ALOXE3: variants seen among roughly 807,000 people sequenced by gnomAD.
ALOXE3 encodes hydroperoxide isomerase ALOXE3.
Under a neutral mutation model 87.5 loss-of-function variants are expected in ALOXE3, and 78 were observed. The observed-to-expected ratio is 0.89, with a 90% CI of 0.74 to 1.08. The LOEUF (loss-of-function observed/expected upper bound fraction) is 1.08, where lower values mean the gene tolerates loss of function less well. Ranked by LOEUF, ALOXE3 falls within the 50% of genes least tolerant of loss-of-function variation. The pLI, the probability that ALOXE3 is intolerant of heterozygous loss-of-function variation, is 0.00. For synonymous variants in ALOXE3, 363 were observed against 370.8 expected, an observed-to-expected ratio of 0.98 and a Z score of 0.24; for missense variants, 946 against 912.4, an observed-to-expected ratio of 1.04 and a Z score of -0.47.
chr17:8,107,277 G>A (rs1318153727), intron 13 of ALOXE3, among the ~76,000 whole-genome samples: 3 of 152,218 alleles, frequency 2.0e-5, no homozygotes, highest in African/African-American at 7.2e-5. Context: ...AGTACTTCGG[G>A]AGGCCGAGGT....
chr17:8,108,683 C>T, intron 12 of ALOXE3, 94 bp from the exon 13 acceptor site: 2 of 1,559,794 alleles, frequency 1.3e-6, no homozygotes, highest in South Asian at 1.1e-5. Flanking sequence ...GGCAGAGAGA[C>T]AGATAGCCAT....
chr17:8,109,765 G>T, intron 11 of ALOXE3, 151 bp downstream of exon 11: 1 of 803,636 alleles, frequency 1.2e-6, no homozygotes, highest in South Asian at 1.7e-5. Context: ...CGGAGTGGGC[G>T]GGGCTGGTGG....
chr17:8,113,384 G>A (rs145352280), intron 6 of ALOXE3, among the ~76,000 whole-genome samples: 4 of 152,352 alleles, frequency 2.6e-5, no homozygotes, highest in African/African-American at 7.2e-5. Context: ...CAGATGCGGT[G>A]GCTCACGCCT....
chr17:8,114,197 G>A (rs1288181607), intron 6 of ALOXE3, among the ~76,000 whole-genome samples: 1 of 151,752 alleles, frequency 6.6e-6, no homozygotes, highest in Admixed American at 6.6e-5. Context: ...AACACCCAGT[G>A]GGTGGGAAAA....
chr17:8,109,178 C>A lies in ALOXE3; in HGVS notation c.1558G>T (p.Glu520Ter). 1 of 1,613,420 alleles carries A rather than the reference C, an allele frequency of 6.2e-7. No individual in the cohort carries two copies. Among genetic ancestry groups the A allele is most frequent in the South Asian group, 1.1e-5 (1 of 91,074 alleles). Residue 520 changes from glutamate to a stop codon, truncating the protein, a stop_gained, in exon 12 of 16, where the codon GAG becomes TAG. Transcript: ENST00000448843. LOFTEE classifies it high-confidence loss of function. Reference sequence around the variant, plus strand: ...GTCCCGCCCCGCACCTCGCACCTCTCAATGGCCGCCCAGATCTTCAGGCCG... The same window carrying A: ...GTCCCGCCCCGCACCTCGCACCTCTAAATGGCCGCCCAGATCTTCAGGCCG... ...DDGLKIWAAIESFVSEIVGYY... is the reference protein window; with the variant it reads ...DDGLKIWAAI
chr17:8,114,804 T>A, intron 5 of ALOXE3, 134 bp downstream of exon 5: 1 of 1,487,094 alleles, frequency 6.7e-7, no homozygotes, highest in Non-Finnish European at 9.3e-7. Flanking sequence ...TGGGGCCATC[T>A]CCCATCCTGA....
intron 15 of ALOXE3, among the ~76,000 whole-genome samples, chr17:8,098,234 G>GGTT (rs1978681848): frequency 1.1e-5 from 1 of 87,484 alleles, no homozygotes; most frequent in Non-Finnish European, 2.2e-5. Flanking sequence ...TTTGGTTTTT[G>GGTT]TTTTTTTTTT....
rs1023987412 is a variant in ALOXE3, at chr17:8,107,493, G to T, written c.1684+975C>A. ...GATTGTGCCTCCACACTCCAGCCTG[G>T]GCAACAAAGTAAGACTCTGTCTCGC... is the stretch of plus-strand genomic sequence containing the variant. On this transcript the variant is annotated intron_variant, in intron 13 of 15. Transcript: ENST00000448843. Among the ~76,000 whole-genome samples, 4 of 152,052 alleles carry T rather than the reference G, an allele frequency of 2.6e-5. No homozygotes were observed. The East Asian group carries it at 5.8e-4, about 22-fold the overall frequency.
At chr17:8,118,889 C>G (rs1980851893), upstream of ALOXE3, 3 of 1,484,978 alleles carry the variant, frequency 2.0e-6, no homozygotes, top group East Asian at 2.5e-5. Flanking sequence ...AAGCCCATAG[C>G]CCGCAGCGGC....
intron 15 of ALOXE3, among the ~76,000 whole-genome samples, chr17:8,101,409 C>A (rs1182212490): frequency 6.6e-6 from 1 of 152,170 alleles, no homozygotes; most frequent in East Asian, 1.9e-4. Context: ...ATAACTGAGA[C>A]ATGATGGCTC....
chr17:8,103,227 C>G (rs1328190205), intron 15 of ALOXE3, 96 bp downstream of exon 15: 2 of 1,421,824 alleles, frequency 1.4e-6, no homozygotes, highest in African/African-American at 1.4e-5. Context: ...GAACATAAAT[C>G]CCGTCGATCA....
In ALOXE3 at chr17:8,108,599, A is replaced by G; in HGVS notation, c.1563-10T>C. The G allele has an allele frequency of 6.2e-7, 1 of 1,609,216 alleles. No homozygotes were observed. Among genetic ancestry groups the G allele is most frequent in the South Asian group, 1.1e-5 (1 of 90,870 alleles). On this transcript the variant is annotated splice_polypyrimidine_tract_variant and intron_variant, in intron 12 of 15. Coordinates refer to ENST00000448843, the MANE Select transcript of ALOXE3 (RefSeq NM_021628.3). ...GATTTCTGAGACAAAGCTGCAGGAA[A>G]GAGATGCTGGTACCACTGGAGTAAC...
chr17:8,103,320 C>T lies in ALOXE3; in HGVS notation c.1956+3G>A. On this transcript the variant is annotated splice_donor_region_variant and intron_variant, in intron 15 of 15. Transcript: ENST00000448843. ...TACTCCCCTCAACATCCCGTATACA[C>T]ACCTGGTCCTTGGGTTCTTGGCTAA... The T allele has an allele frequency of 1.2e-6, 2 of 1,613,786 alleles. No homozygotes were observed. The highest frequency in any genetic ancestry group is 8.5e-7 in the Non-Finnish European group (1 of 1,179,820).
chr17:8,097,143 T>A (rs796103481), intron 15 of ALOXE3, among the ~76,000 whole-genome samples: 8 of 149,898 alleles, frequency 5.3e-5, no homozygotes, highest in East Asian at 1.9e-4. Context: ...GAAAAAAAAA[T>A]TTTTGAGGCA....
rs138412423 is a variant in ALOXE3, at chr17:8,116,816, C to A, written c.312G>T (p.Trp104Cys). Residue 104 changes from tryptophan to cysteine, a missense_variant, in exon 3 of 16, where the codon TGG becomes TGT. Coordinates refer to ENST00000448843, the MANE Select transcript of ALOXE3 (RefSeq NM_021628.3). ...GSVSHFPCYQWIEGYCTVELR... is the reference protein window; with the variant it reads ...GSVSHFPCYQCIEGYCTVELR... The stretch of plus-strand genomic sequence containing the variant: ...GCTCCACGGTGCAGTAGCCTTCAAT[C>A]CACTGATAGCAGGGGAAGTGGGATA... 1 of 1,614,248 alleles carries A rather than the reference C, an allele frequency of 6.2e-7. No homozygotes were observed. The highest frequency in any genetic ancestry group is 8.5e-7 in the Non-Finnish European group (1 of 1,180,038).
At chr17:8,110,652 G>A in intron 8 of ALOXE3, 124 bp from the exon 9 acceptor site, 1 of 1,403,044 alleles carries the variant, frequency 7.1e-7, no homozygotes, top group Non-Finnish European at 9.7e-7. Context: ...AGAAATTCTT[G>A]GTGCCTGAAT....
Position 8,107,431 on chromosome 17 carries a change from C to T in ALOXE3, c.1684+1037G>A, listed in dbSNP as rs1979402268. ...ACTCGGGAGACTGAGGCAGCAGAAT[C>T]TCTTGAACCCAGGAGGTGGAGGTTG... On this transcript the variant is annotated intron_variant, in intron 13 of 15. Coordinates refer to ENST00000448843, the MANE Select transcript of ALOXE3 (RefSeq NM_021628.3). 2.0e-5 allele frequency among the ~76,000 whole-genome samples: 3 copies of T among 152,246 alleles called. No homozygotes were observed. In the South Asian group the frequency reaches 6.2e-4, roughly 32 times the overall value.
intron 15 of ALOXE3, among the ~76,000 whole-genome samples, chr17:8,097,073 C>T (rs1012461099): frequency 5.3e-5 from 8 of 152,140 alleles, no homozygotes; most frequent in African/African-American, 1.9e-4. Context: ...CAAGCCTCTG[C>T]CTGTTACTTT....
Position 8,109,311 on chromosome 17 carries a change from G to A in ALOXE3, c.1425C>T (p.Tyr475=), listed in dbSNP as rs1256654466. ...AGTGGGCCAGGCCCGTGCTCATGAG[G>A]TAGATGAGGCCTTGCCTCCCGATGG... ...VTSIGRQGLI[Y]LMSTGLAHFT... The change falls in exon 12 of 16, where the codon TAC becomes TAT. Residue 475 remains tyrosine, a synonymous_variant. Coordinates refer to ENST00000448843, the MANE Select transcript of ALOXE3 (RefSeq NM_021628.3). 5.1e-5 allele frequency: 83 copies of A among 1,613,972 alleles called. No individual in the cohort carries two copies. The highest frequency in any genetic ancestry group is 6.9e-5 in the Non-Finnish European group (81 of 1,180,050).
Sources: gnomAD v4.1 joint callset for allele counts (sites outside exome capture counted in the v4.1 genomes callset) on GRCh38, gnomAD v4.1.1 for gene constraint, MANE v1.5 for transcripts, NCBI Gene and HGNC (gene_info 2026-07-23, HGNC 2026-07-21) for gene names.